Variants in CPS1 observed in about 807,000 individuals in gnomAD.
CPS1 encodes the protein carbamoyl-phosphate synthase [ammonia], mitochondrial.
CPS1 carries 109 observed loss-of-function variants against 174.6 expected under a neutral mutation model. The observed-to-expected ratio is 0.62, with a 90% CI of 0.53 to 0.73. The LOEUF is 0.73. Ranked by LOEUF, CPS1 falls within the 30% of genes least tolerant of loss-of-function variation. CPS1 has a pLI of 0.00. For missense variants in CPS1, 1,689 were observed against 1,821.9 expected (o/e 0.93, Z 1.33); for synonymous variants, 637 against 632.0 (o/e 1.01, Z -0.12).
chr2:210,582,572 T>G, intron 5 of CPS1, 45 bp from the exon 6 acceptor site: 1 of 1,445,362 alleles, frequency 6.9e-7, no homozygotes, highest in Non-Finnish European at 9.7e-7. Flanking sequence ...GTCAACACCT[T>G]TATCGTTGCT....
intron 1 of CPS1, among the ~76,000 whole-genome samples, chr2:210,501,402 G>A (rs961881261): frequency 6.6e-6 from 1 of 152,064 alleles, no homozygotes; most frequent in Non-Finnish European, 1.5e-5. Flanking sequence ...TTTATGCTCT[G>A]CTTCCCTTTT....
chr2:210,650,945 C>T (rs1228487316), intron 28 of CPS1, among the ~76,000 whole-genome samples: 2 of 152,284 alleles, frequency 1.3e-5, no homozygotes, highest in East Asian at 1.9e-4. Context: ...CCTGTTGGCA[C>T]ATTCAGTTTG....
intron 19 of CPS1, 26 bp downstream of exon 19, chr2:210,608,585 T>C (rs752863161): frequency 3.1e-6 from 5 of 1,603,600 alleles, no homozygotes; most frequent in Admixed American, 1.7e-5. Flanking sequence ...ATTACGCTTT[T>C]CTTCTTGTTC....
intron 19 of CPS1, among the ~76,000 whole-genome samples, chr2:210,610,774 G>A (rs977328492): frequency 1.3e-5 from 2 of 151,592 alleles, no homozygotes; most frequent in African/African-American, 2.4e-5. Flanking sequence ...AATATATAGA[G>A]AGAGTATTGA....
intron 1 of CPS1, among the ~76,000 whole-genome samples, chr2:210,500,428 A>T (rs1212619828): frequency 6.6e-6 from 1 of 152,218 alleles, no homozygotes; most frequent in African/African-American, 2.4e-5. Context: ...ATAGGGCTAT[A>T]AAATCCAAAG....
chr2:210,502,670 A>G (rs918976223), intron 1 of CPS1, among the ~76,000 whole-genome samples: 2 of 152,058 alleles, frequency 1.3e-5, no homozygotes, highest in Non-Finnish European at 2.9e-5. Flanking sequence ...TCTAAAGGGA[A>G]GTCATAGTTC....
Position 210,576,453 on chromosome 2 carries a change from T to G in CPS1, c.344T>G (p.Leu115Arg). The change falls in exon 3 of 38, where the codon CTG becomes CGG. Residue 115 changes from leucine (L) to arginine (R), a missense_variant. Coordinates refer to ENST00000233072, the MANE Select transcript of CPS1 (RefSeq NM_001875.5). ...GAPDTTALDE[L>R]GLSKYLESNG... ...CCTGATACTACTGCTCTGGATGAAC[T>G]GGGACTTAGCAAATATTTGGAGTCT... 1.2e-6 allele frequency: 2 copies of G among 1,613,730 alleles called. No homozygotes were observed. The highest frequency in any genetic ancestry group is 1.7e-6 in the Non-Finnish European group (2 of 1,179,712).
intron 33 of CPS1, among the ~76,000 whole-genome samples, chr2:210,664,780 A>G (rs1273443702): frequency 6.6e-6 from 1 of 152,162 alleles, no homozygotes; most frequent in African/African-American, 2.4e-5. Context: ...TTTTTCTTCC[A>G]TTATTTGAAA....
intron 33 of CPS1, 96 bp from the exon 34 acceptor site, chr2:210,668,090 G>GTA: frequency 2.7e-6 from 2 of 750,180 alleles, no homozygotes; most frequent in South Asian, 2.9e-5. Context: ...GTGTGTGTGT[G>GTA]TGTGTGTGTG....
intron 21 of CPS1, among the ~76,000 whole-genome samples, 155 bp downstream of exon 21, chr2:210,616,696 C>A (rs977047031): frequency 2.0e-5 from 3 of 150,772 alleles, no homozygotes; most frequent in Non-Finnish European, 3.0e-5. Flanking sequence ...AGACAAATGG[C>A]AGGTTTTTTT....
intron 1 of CPS1, among the ~76,000 whole-genome samples, chr2:210,558,828 G>T (rs936713108): frequency 2.0e-5 from 3 of 152,066 alleles, no homozygotes; most frequent in Non-Finnish European, 4.4e-5. Context: ...CATGGTGACA[G>T]ATCTGTTTCA....
At chr2:210,570,173 A>G (rs1008578567) in intron 1 of CPS1, among the ~76,000 whole-genome samples, 2 of 151,992 alleles carry the variant, frequency 1.3e-5, no homozygotes, top group Non-Finnish European at 2.9e-5. Context: ...TTTAGGCAGT[A>G]AACAGAGGCT....
chr2:210,651,229 T>A lies in CPS1; in HGVS notation c.3480+791T>A, dbSNP rs147940246. Among the ~76,000 whole-genome samples the A allele has an allele frequency of 1.7e-4, 26 of 152,130 alleles. No individual in the cohort carries two copies. In the East Asian group the frequency reaches 4.6e-3, roughly 27 times the overall value. On this transcript the variant is annotated intron_variant, in intron 28 of 37. Transcript: ENST00000233072. ...GAATTTGGAGGGAGGAAGAGTGAAA[T>A]CAGGAGCATTTCAAAGAGGAATAAA...
intron 1 of CPS1, among the ~76,000 whole-genome samples, chr2:210,525,515 A>G (rs1695947817): frequency 6.6e-6 from 1 of 151,822 alleles, no homozygotes; most frequent in Admixed American, 6.6e-5. Context: ...TTGAAATTAT[A>G]AAGAACTTAC....
intron 1 of CPS1, among the ~76,000 whole-genome samples, chr2:210,568,593 G>T (rs1697374529): frequency 6.6e-6 from 1 of 151,920 alleles, no homozygotes; most frequent in Non-Finnish European, 1.5e-5. Flanking sequence ...TATGTGATGA[G>T]GTAGAACTAT....
chr2:210,589,733 C>T (rs764129504), intron 7 of CPS1, among the ~76,000 whole-genome samples: 3 of 151,830 alleles, frequency 2.0e-5, no homozygotes, highest in Non-Finnish European at 2.9e-5. Context: ...GATCTTGGCT[C>T]GCTGGAACCT....
intron 1 of CPS1, among the ~76,000 whole-genome samples, chr2:210,568,142 A>G (rs1697361367): frequency 6.6e-6 from 1 of 152,160 alleles, no homozygotes; most frequent in South Asian, 2.1e-4. Flanking sequence ...AACACACAAC[A>G]GTATACACCA....
chr2:210,524,451 C>T (rs1695918121), intron 1 of CPS1, among the ~76,000 whole-genome samples: 1 of 151,922 alleles, frequency 6.6e-6, no homozygotes, highest in Non-Finnish European at 1.5e-5. Flanking sequence ...GTTCCTGTCT[C>T]CATGGAGCTT....
At chr2:210,548,764 C>T (rs1446674804) in intron 1 of CPS1, among the ~76,000 whole-genome samples, 1 of 151,948 alleles carries the variant, frequency 6.6e-6, no homozygotes, top group Non-Finnish European at 1.5e-5. Flanking sequence ...GTACTCCTGC[C>T]CTATGACTCA....
Sources: gnomAD v4.1 joint callset for allele counts (sites outside exome capture counted in the v4.1 genomes callset) on GRCh38, gnomAD v4.1.1 for gene constraint, MANE v1.5 for transcripts, NCBI Gene and HGNC (gene_info 2026-07-23, HGNC 2026-07-21) for gene names.